Variants in ZNF701 observed in about 807,000 individuals in gnomAD.
ZNF701 encodes zinc finger protein 701.
A neutral mutation model predicts 7.1 loss-of-function variants in ZNF701; 6 were observed. The ratio of observed to expected loss-of-function variants is 0.84; its 90% CI spans 0.46 to 1.66. The LOEUF (loss-of-function observed/expected upper bound fraction) is 1.66, where lower values mean the gene tolerates loss of function less well. Ranked by LOEUF, ZNF701 falls within the 40% of genes most tolerant of loss-of-function variation. The pLI, the probability that ZNF701 is intolerant of heterozygous loss-of-function variation, is 0.01. For missense variants in ZNF701, 541 were observed against 559.2 expected (o/e 0.97, Z 0.33); for synonymous variants, 166 against 188.2 (o/e 0.88, Z 0.97).
rs1260791468 is a variant in ZNF701, at chr19:52,582,273, G to A, written c.214G>A (p.Gly72Arg). 6.8e-6 allele frequency: 11 copies of A among 1,612,966 alleles called. No individual in the cohort carries two copies. The highest frequency in any genetic ancestry group is 9.3e-6 in the Non-Finnish European group (11 of 1,179,468). The change falls in exon 4 of 4, where the codon GGG becomes AGG. Residue 72 changes from glycine (G) to arginine (R), a missense_variant. Coordinates refer to ENST00000391785, the MANE Select transcript of ZNF701 (RefSeq NM_018260.3). Reference sequence around the variant, plus strand: ...AGGCAATACAGAAGTGGTCCACACAGGGACATTGCAAATACATGCAAGTCA... The same window carrying A: ...AGGCAATACAGAAGTGGTCCACACAAGGACATTGCAAATACATGCAAGTCA... ...GQGNTEVVHTGTLQIHASHHI... is the reference protein window; with the variant it reads ...GQGNTEVVHTRTLQIHASHHI...
the ZNF701 span, chr19:52,595,994 G>A: frequency 1.9e-5 from 31 of 1,594,656 alleles, 1 homozygote; most frequent in South Asian, 3.2e-4. Context: ...TGCTTCCTCA[G>A]CTTCAACATC....
In ZNF701 at chr19:52,580,447, G is replaced by A. The variant is rs186555634; in HGVS notation, c.143-1755G>A. On this transcript the variant is annotated intron_variant, in intron 3 of 3. Coordinates refer to ENST00000391785, the MANE Select transcript of ZNF701 (RefSeq NM_018260.3). ...GCACCATGTTGGCCAGGCTGGTGTC[G>A]AACTTCTGACCTCATGATTCACCTG... Among the ~76,000 whole-genome samples, 678 of 151,508 alleles carry A rather than the reference G, an allele frequency of 4.5e-3. 3 individuals are homozygous for A. Among genetic ancestry groups the A allele is most frequent in the African/African-American group, 0.015 (638 of 41,340 alleles).
chr19:52,574,776 T>C (rs1358885739), intron 2 of ZNF701, among the ~76,000 whole-genome samples: 1 of 152,160 alleles, frequency 6.6e-6, no homozygotes, highest in Non-Finnish European at 1.5e-5. Context: ...TATTAAACCA[T>C]TCTTAGCAAA....
At position 52,579,321 on chromosome 19, in the gene ZNF701, G is replaced by A. The variant is rs531706547; in HGVS notation, c.143-2881G>A. On this transcript the variant is annotated intron_variant, in intron 3 of 3. Transcript: ENST00000391785. ...GCGGGTGGATCACCTGAGGTCAGGA[G>A]TTCAAGACCAGTCTCAACATGGAGA... Among the ~76,000 whole-genome samples the A allele has an allele frequency of 2.1e-5, 3 of 140,518 alleles. No individual in the cohort carries two copies. In the East Asian group the frequency reaches 6.1e-4, roughly 29 times the overall value. The allele number at this position is 140,518 out of a possible 152,430, so 92.2% of individuals were successfully genotyped here.
chr19:52,589,314 C>G (rs2060027479), downstream of ZNF701, among the ~76,000 whole-genome samples: 1 of 152,150 alleles, frequency 6.6e-6, no homozygotes, highest in African/African-American at 2.4e-5. Context: ...TGTCATTAAT[C>G]ATGGACTTGT....
At chr19:52,581,071 C>A (rs915781981) in intron 3 of ZNF701, among the ~76,000 whole-genome samples, 1 of 151,970 alleles carries the variant, frequency 6.6e-6, no homozygotes, top group Non-Finnish European at 1.5e-5. Context: ...CTGCAGTGAG[C>A]CAAGATCATG....
intron 1 of ZNF701, among the ~76,000 whole-genome samples, chr19:52,571,313 G>A (rs2059897525): frequency 6.6e-6 from 1 of 151,974 alleles, no homozygotes; most frequent in African/African-American, 2.4e-5. Context: ...GGAGAACAGA[G>A]GGAGAACCAC....
intron 1 of ZNF701, chr19:52,572,397 A>G (rs1244116247): frequency 7.8e-7 from 1 of 1,287,374 alleles, no homozygotes; most frequent in South Asian, 1.2e-5. Flanking sequence ...GTACATCTGC[A>G]TTTTATAAAT....
In ZNF701 at chr19:52,579,036, G is replaced by A. The variant is rs1009713641; in HGVS notation, c.142+3015G>A. ...GCTGGGATTACAGACGTGAGCCACC[G>A]CGCCCCGCCGTGCCCATTTCTTTCA... On this transcript the variant is annotated intron_variant, in intron 3 of 3. Transcript: ENST00000391785. Among the ~76,000 whole-genome samples, 58 of 143,922 alleles carry A rather than the reference G, an allele frequency of 4.0e-4. 4 individuals are homozygous for A. Among genetic ancestry groups the A allele is most frequent in the African/African-American group, 3.2e-4 (11 of 34,210 alleles). The allele number at this position is 143,922 out of a possible 152,430, so 94.4% of individuals were successfully genotyped here.
At chr19:52,588,531 G>A, downstream of ZNF701, 1 of 327,884 alleles carries the variant, frequency 3.0e-6, no homozygotes. Flanking sequence ...TTTACACACA[G>A]GATTGATTTC....
At position 52,583,621 on chromosome 19, in the gene ZNF701, A is replaced by T. The variant is rs2059991244; in HGVS notation, c.*164A>T. The T allele has an allele frequency of 3.8e-6, 5 of 1,315,200 alleles. No individual in the cohort carries two copies. The highest frequency in any genetic ancestry group is 3.5e-5 in the South Asian group (3 of 84,702). 81.5% of individuals were successfully genotyped at this position (1,315,200 alleles called of 1,614,324 possible). A position where few individuals can be genotyped will look rare whatever the true frequency, so the allele number is the denominator to read the frequency against. On this transcript the variant is annotated 3_prime_UTR_variant, in exon 4 of 4. Transcript: ENST00000391785. Reference sequence around the variant, plus strand: ...AGAGTTCATACTGGAGAGAAACCATACAAATGTAAGGTTTGTGACAAGGAT... The same window carrying T: ...AGAGTTCATACTGGAGAGAAACCATTCAAATGTAAGGTTTGTGACAAGGAT...
In ZNF701 at chr19:52,585,866, C is replaced by A. The variant is rs1014474291; in HGVS notation, c.*2409C>A. On this transcript the variant is annotated 3_prime_UTR_variant, in exon 4 of 4. Transcript: ENST00000391785. ...GCCACTCCTGGGCTCTTTCTCTTTC[C>A]ACCTGCGACCTGGTGGAAGGGGGAG... 5.2e-5 allele frequency: 8 copies of A among 152,432 alleles called. No individual in the cohort carries two copies. Among genetic ancestry groups the A allele is most frequent in the African/African-American group, 1.7e-4 (7 of 41,592 alleles). The allele number at this position is 152,432 out of a possible 1,614,324, so 9.4% of individuals were successfully genotyped here.
At chr19:52,590,573 C>T (rs1040764476), downstream of ZNF701, among the ~76,000 whole-genome samples, 9 of 152,184 alleles carry the variant, frequency 5.9e-5, no homozygotes, top group Admixed American at 3.9e-4. Flanking sequence ...GAAGCTGTCT[C>T]TTAACTCAAT....
rs1355909981 is a variant in ZNF701 at position 52,585,813 on chromosome 19, A to T, written c.*2356A>T. 1 of 152,278 alleles carries T rather than the reference A, an allele frequency of 6.6e-6. No homozygotes were observed. Among genetic ancestry groups the T allele is most frequent in the African/African-American group, 2.4e-5 (1 of 41,478 alleles). The allele number at this position is 152,278 out of a possible 1,614,324, so 9.4% of individuals were successfully genotyped here. On this transcript the variant is annotated 3_prime_UTR_variant, in exon 4 of 4. Coordinates refer to ENST00000391785, the MANE Select transcript of ZNF701 (RefSeq NM_018260.3). ...CAGAGCAGATGGGTGCCCTATGCAG[A>T]TGAAGGGGTGGCCGGTGCTTGGCCT...
At chr19:52,600,062 G>A in the ZNF701 span, among the ~76,000 whole-genome samples, 1 of 152,122 alleles carries the variant, frequency 6.6e-6, no homozygotes, top group African/African-American at 2.4e-5. Flanking sequence ...TGAAGCATCT[G>A]ATTTCAAACT....
In ZNF701 at chr19:52,582,253, A is replaced by G. The variant is rs750214176; in HGVS notation, c.194A>G (p.Asn65Ser). ...MKMFSSTGQG[N>S]TEVVHTGTLQ... ...ATGTTCTCATCAACAGGACAAGGCA[A>G]TACAGAAGTGGTCCACACAGGGACA... Residue 65 changes from asparagine to serine, a missense_variant, in exon 4 of 4, where the codon AAT becomes AGT. Transcript: ENST00000391785. The G allele has an allele frequency of 2.5e-6, 4 of 1,608,740 alleles. No individual in the cohort carries two copies. The South Asian group carries it at 3.3e-5, about 13-fold the overall frequency.
At chr19:52,599,322 G>T in the ZNF701 span, among the ~76,000 whole-genome samples, 1 of 152,084 alleles carries the variant, frequency 6.6e-6, no homozygotes, top group Non-Finnish European at 1.5e-5. Flanking sequence ...ATCTCAGTAG[G>T]AAATTAAATA....
downstream of ZNF701, among the ~76,000 whole-genome samples, chr19:52,588,924 G>C (rs115281815): frequency 1.7e-3 from 260 of 152,180 alleles, 3 homozygotes; most frequent in African/African-American, 6.1e-3. Context: ...TGTATTTTTT[G>C]TAGAGACAGG....
chr19:52,591,961 C>G (rs1011031540), downstream of ZNF701: 3 of 460,956 alleles, frequency 6.5e-6, no homozygotes, highest in Non-Finnish European at 1.2e-5. Context: ...ACAGAAAAAA[C>G]TGTTCAAAAA....
Sources: gnomAD v4.1 joint callset for allele counts (sites outside exome capture counted in the v4.1 genomes callset) on GRCh38, gnomAD v4.1.1 for gene constraint, MANE v1.5 for transcripts, NCBI Gene and HGNC (gene_info 2026-07-23, HGNC 2026-07-21) for gene names.